MAML2: variants seen among roughly 807,000 people sequenced by gnomAD.
The protein encoded by MAML2 is mastermind-like protein 2.
Under a neutral mutation model 96.1 loss-of-function variants are expected in MAML2, and 22 were observed. That is an observed-to-expected ratio of 0.23 (90% CI 0.16 to 0.33). MAML2 has a LOEUF of 0.33. MAML2 is among the 10% of genes least tolerant of loss of function. The probability of loss-of-function intolerance (pLI) is 1.00; values close to 1 mark genes in which losing one functional copy is unlikely to be tolerated. For missense variants in MAML2, 1,367 were observed against 1,392.4 expected (o/e 0.98, Z 0.29); for synonymous variants, 561 against 521.3 (o/e 1.08, Z -1.04).
intron 1 of MAML2, among the ~76,000 whole-genome samples, chr11:96,166,289 C>T (rs1382731071): frequency 6.6e-6 from 1 of 151,654 alleles, no homozygotes. Flanking sequence ...TAAAAACTCC[C>T]AACTGAATTG....
chr11:96,182,598 T>C (rs1861503904), intron 1 of MAML2, among the ~76,000 whole-genome samples: 1 of 152,218 alleles, frequency 6.6e-6, no homozygotes, highest in African/African-American at 2.4e-5. Context: ...AGTGTTTTCA[T>C]TAACAATATT....
chr11:96,011,219 T>C (rs562954649), intron 2 of MAML2, among the ~76,000 whole-genome samples: 1 of 152,270 alleles, frequency 6.6e-6, no homozygotes, highest in South Asian at 2.1e-4. Context: ...TATTACTGAG[T>C]ATCTACCTTA....
intron 1 of MAML2, among the ~76,000 whole-genome samples, chr11:96,294,117 T>C (rs1321799917): frequency 6.6e-6 from 1 of 152,198 alleles, no homozygotes; most frequent in African/African-American, 2.4e-5. Context: ...GATATGTTCG[T>C]TCTTAATTAT....
chr11:96,007,014 TA>T (rs1160114204), intron 2 of MAML2, among the ~76,000 whole-genome samples: 3 of 151,408 alleles, frequency 2.0e-5, no homozygotes, highest in African/African-American at 4.9e-5. Flanking sequence ...TTTTTTTTAT[TA>T]TTTTTTTAGA....
At chr11:96,166,161 T>A (rs1861188136) in intron 1 of MAML2, among the ~76,000 whole-genome samples, 1 of 100,616 alleles carries the variant, frequency 9.9e-6, no homozygotes, top group African/African-American at 3.7e-5. Flanking sequence ...TCTGTCTCTC[T>A]CTCTCTCTCT....
chr11:96,323,780 GT>G (rs1410149179), intron 1 of MAML2, among the ~76,000 whole-genome samples: 1 of 152,208 alleles, frequency 6.6e-6, no homozygotes, highest in African/African-American at 2.4e-5. Context: ...CAGGGCAGAT[GT>G]CGACAATGAA....
At chr11:96,120,536 G>C (rs78562417) in intron 1 of MAML2, among the ~76,000 whole-genome samples, 2 of 152,146 alleles carry the variant, frequency 1.3e-5, no homozygotes, top group African/African-American at 4.8e-5. Flanking sequence ...TTGTTAGTAA[G>C]TCTACCTCCC....
chr11:96,056,508 T>C (rs770878122), intron 2 of MAML2, among the ~76,000 whole-genome samples: 6 of 152,128 alleles, frequency 3.9e-5, no homozygotes, highest in Non-Finnish European at 7.4e-5. Flanking sequence ...ATGTGTAGCA[T>C]CATGCACATT....
intron 1 of MAML2, among the ~76,000 whole-genome samples, chr11:96,117,341 G>A (rs1483544956): frequency 6.6e-6 from 1 of 151,198 alleles, no homozygotes; most frequent in Non-Finnish European, 1.5e-5. Context: ...TGTTGCCTAG[G>A]CTGGAGTACA....
intron 1 of MAML2, among the ~76,000 whole-genome samples, chr11:96,172,025 G>T (rs1434429205): frequency 2.0e-5 from 3 of 152,248 alleles, no homozygotes; most frequent in Non-Finnish European, 4.4e-5. Context: ...GTGCCTTGTA[G>T]AGAGCGACAC....
At chr11:96,094,946 T>C (rs1859800165) in intron 1 of MAML2, among the ~76,000 whole-genome samples, 1 of 152,332 alleles carries the variant, frequency 6.6e-6, no homozygotes, top group African/African-American at 2.4e-5. Flanking sequence ...ACTGAGTATA[T>C]ATTACATATC....
Position 95,976,701 on chromosome 11 carries a change from A to G in MAML2, c.*2247T>C, listed in dbSNP as rs1857656933. 1 of 179,534 alleles carries G rather than the reference A, an allele frequency of 5.6e-6. No individual in the cohort carries two copies. Among genetic ancestry groups the G allele is most frequent in the Admixed American group, 6.3e-5 (1 of 15,860 alleles). The allele number at this position is 179,534 out of a possible 1,614,324, so 11.1% of individuals were successfully genotyped here. A position where few individuals can be genotyped will look rare whatever the true frequency, so the allele number is the denominator to read the frequency against. Reference sequence around the variant, plus strand: ...AAAATCCAAACATTCTGATTGCTTTATCTCTTAAATTTGATAACTACTACA... The same window carrying G: ...AAAATCCAAACATTCTGATTGCTTTGTCTCTTAAATTTGATAACTACTACA... On this transcript the variant is annotated 3_prime_UTR_variant, in exon 5 of 5. Coordinates refer to ENST00000524717, the MANE Select transcript of MAML2 (RefSeq NM_032427.4).
chr11:96,187,272 A>G (rs1161795310), intron 1 of MAML2, among the ~76,000 whole-genome samples: 3 of 152,230 alleles, frequency 2.0e-5, no homozygotes. Context: ...GTTATTCCAG[A>G]TTGCTGGTTT....
chr11:96,082,115 A>C (rs1591000849), intron 2 of MAML2, among the ~76,000 whole-genome samples: 1 of 152,178 alleles, frequency 6.6e-6, no homozygotes, highest in East Asian at 1.9e-4. Flanking sequence ...AAGATCAATT[A>C]CATACAGACA....
At chr11:96,289,052 T>C (rs1863176899) in intron 1 of MAML2, among the ~76,000 whole-genome samples, 1 of 152,224 alleles carries the variant, frequency 6.6e-6, no homozygotes. Context: ...GCCTGTTTCA[T>C]TTTCTAAACA....
At chr11:95,983,017 T>C (rs977083903) in intron 4 of MAML2, among the ~76,000 whole-genome samples, 6 of 152,198 alleles carry the variant, frequency 3.9e-5, no homozygotes, top group Non-Finnish European at 7.3e-5. Context: ...ATGCTTTCAA[T>C]AATTATTTTG....
chr11:96,270,475 A>T (rs1042872419), intron 1 of MAML2, among the ~76,000 whole-genome samples: 2 of 151,832 alleles, frequency 1.3e-5, no homozygotes, highest in Non-Finnish European at 2.9e-5. Context: ...ACACCTGGTT[A>T]TTTTTTTGTA....
At chr11:96,267,360 G>A (rs1862844039) in intron 1 of MAML2, among the ~76,000 whole-genome samples, 1 of 151,888 alleles carries the variant, frequency 6.6e-6, no homozygotes, top group Non-Finnish European at 1.5e-5. Context: ...TGCTTAATTC[G>A]GCCAACACAA....
intron 4 of MAML2, among the ~76,000 whole-genome samples, chr11:95,984,845 A>G (rs1297899331): frequency 6.6e-6 from 1 of 152,172 alleles, no homozygotes; most frequent in East Asian, 1.9e-4. Context: ...CATTTTAGAC[A>G]GTTTTGGGCA....
Sources: gnomAD v4.1 joint callset for allele counts (sites outside exome capture counted in the v4.1 genomes callset) on GRCh38, gnomAD v4.1.1 for gene constraint, MANE v1.5 for transcripts, NCBI Gene and HGNC (gene_info 2026-07-23, HGNC 2026-07-21) for gene names.